Variants in EHBP1 observed in about 807,000 individuals in gnomAD.
EHBP1 encodes the protein EH domain-binding protein 1.
In EHBP1, 55 loss-of-function variants were observed where a neutral mutation model predicts 144.0. The observed-to-expected ratio is 0.38, with a 90% CI of 0.31 to 0.48. EHBP1 has a LOEUF of 0.48. Among genes scored for constraint, EHBP1 ranks in the 20% least tolerant of loss-of-function variants. The pLI is 0.98. For missense variants in EHBP1, 1,200 were observed against 1,364.2 expected, an observed-to-expected ratio of 0.88 and a Z score of 1.90; for synonymous variants, 469 against 472.7, an observed-to-expected ratio of 0.99 and a Z score of 0.10.
At chr2:62,858,703 G>A (rs1442560769) in intron 7 of EHBP1, among the ~76,000 whole-genome samples, 2 of 152,146 alleles carry the variant, frequency 1.3e-5, no homozygotes, top group African/African-American at 4.8e-5. Flanking sequence ...AGTCATGTCA[G>A]GATCCTTGAT....
At chr2:62,884,178 G>A (rs2051719159) in intron 10 of EHBP1, among the ~76,000 whole-genome samples, 1 of 152,148 alleles carries the variant, frequency 6.6e-6, no homozygotes, top group African/African-American at 2.4e-5. Context: ...GAGAAGAAAG[G>A]TCTTGGTAAG....
At chr2:63,044,833 A>G in intron 21 of EHBP1, 1 of 419,406 alleles carries the variant, frequency 2.4e-6, no homozygotes, top group South Asian at 3.5e-5. Flanking sequence ...GGTTCTAAGC[A>G]GGTTCCAACA....
At chr2:62,909,959 A>G (rs1409353821) in intron 10 of EHBP1, among the ~76,000 whole-genome samples, 1 of 151,972 alleles carries the variant, frequency 6.6e-6, no homozygotes, top group Non-Finnish European at 1.5e-5. Flanking sequence ...GGGCTTCACC[A>G]TGTTGGCCAG....
chr2:62,763,573 C>T (rs1462894625), intron 3 of EHBP1, among the ~76,000 whole-genome samples: 1 of 152,152 alleles, frequency 6.6e-6, no homozygotes, highest in Non-Finnish European at 1.5e-5. Flanking sequence ...GAGGTGAAGA[C>T]TTAGTTGAGT....
chr2:62,859,963 G>T (rs1250088216), intron 8 of EHBP1, among the ~76,000 whole-genome samples: 1 of 152,102 alleles, frequency 6.6e-6, no homozygotes, highest in African/African-American at 2.4e-5. Flanking sequence ...CTGTGTCTGA[G>T]AAATCTTCAT....
At chr2:62,700,588 G>A (rs1364142564) in intron 1 of EHBP1, among the ~76,000 whole-genome samples, 1 of 152,154 alleles carries the variant, frequency 6.6e-6, no homozygotes, top group African/African-American at 2.4e-5. Flanking sequence ...TGGTGGCTGT[G>A]CAGTGCCTCT....
chr2:62,923,813 G>A (rs1210582806), intron 10 of EHBP1, among the ~76,000 whole-genome samples: 1 of 152,190 alleles, frequency 6.6e-6, no homozygotes, highest in Non-Finnish European at 1.5e-5. Context: ...CCTTGCACCT[G>A]TGTACTAGGA....
chr2:62,834,084 A>G (rs543531881), intron 7 of EHBP1, among the ~76,000 whole-genome samples: 2 of 152,368 alleles, frequency 1.3e-5, no homozygotes, highest in South Asian at 4.1e-4. Flanking sequence ...ATCGCATGAT[A>G]AAACTTGAAT....
chr2:62,910,097 T>G (rs1324438007), intron 10 of EHBP1, among the ~76,000 whole-genome samples: 1 of 152,158 alleles, frequency 6.6e-6, no homozygotes, highest in Non-Finnish European at 1.5e-5. Flanking sequence ...TATCCCCTAC[T>G]CTAGGTGATT....
rs952969986 is a variant in EHBP1 at position 63,026,791 on chromosome 2, A to C, written c.3104-10744A>C. Among the ~76,000 whole-genome samples, 4 of 152,352 alleles carry C rather than the reference A, an allele frequency of 2.6e-5. No individual in the cohort carries two copies. The South Asian group carries it at 8.3e-4, about 32-fold the overall frequency. On this transcript the variant is annotated intron_variant, in intron 19 of 22. Transcript: ENST00000431489. ...TCAAGGATCTTATGGACATGTTTGC[A>C]TAGGAAGAAAGGTTGACTCCTCCTA... is the stretch of plus-strand genomic sequence containing the variant.
chr2:62,992,337 A>G (rs1358322349), intron 16 of EHBP1, among the ~76,000 whole-genome samples: 2 of 152,206 alleles, frequency 1.3e-5, no homozygotes, highest in Non-Finnish European at 2.9e-5. Flanking sequence ...CATGATATTA[A>G]TGATAAATTC....
At chr2:62,725,240 C>T (rs1367281020) in intron 2 of EHBP1, among the ~76,000 whole-genome samples, 1 of 152,168 alleles carries the variant, frequency 6.6e-6, no homozygotes, top group African/African-American at 2.4e-5. Context: ...GATATCCATC[C>T]TCATTTGCTT....
intron 10 of EHBP1, among the ~76,000 whole-genome samples, chr2:62,881,297 G>A (rs762183302): frequency 6.7e-6 from 1 of 150,334 alleles, no homozygotes; most frequent in Non-Finnish European, 1.5e-5. Context: ...TGGATACTGT[G>A]TTTTTTACTT....
intron 2 of EHBP1, among the ~76,000 whole-genome samples, chr2:62,746,545 A>AT (rs1191405336): frequency 2.0e-5 from 3 of 152,064 alleles, no homozygotes; most frequent in Admixed American, 6.6e-5. Context: ...TTTATCTAAG[A>AT]TTTTTTAAAA....
At chr2:62,890,589 G>A (rs2052374629) in intron 10 of EHBP1, among the ~76,000 whole-genome samples, 1 of 152,122 alleles carries the variant, frequency 6.6e-6, no homozygotes, top group South Asian at 2.1e-4. Context: ...CATTGATTTT[G>A]TATCCTGAGA....
intron 10 of EHBP1, among the ~76,000 whole-genome samples, chr2:62,895,958 T>C (rs1272946517): frequency 2.6e-5 from 4 of 152,230 alleles, no homozygotes; most frequent in African/African-American, 9.6e-5. Context: ...GTTAAATTAG[T>C]AAATTTAATG....
chr2:62,917,359 T>A (rs1218040342), intron 10 of EHBP1, among the ~76,000 whole-genome samples: 11 of 152,186 alleles, frequency 7.2e-5, no homozygotes, highest in Admixed American at 1.3e-4. Context: ...TGCAATCTTA[T>A]GGTACCACCA....
At chr2:62,996,859 A>T in intron 19 of EHBP1, 93 bp downstream of exon 19, 1 of 1,535,898 alleles carries the variant, frequency 6.5e-7, no homozygotes, top group Non-Finnish European at 8.8e-7. Context: ...TTGAAGCCTG[A>T]ATGTTCAGCA....
intron 10 of EHBP1, among the ~76,000 whole-genome samples, chr2:62,915,510 CAG>C (rs2054540337): frequency 6.6e-6 from 1 of 151,990 alleles, no homozygotes; most frequent in African/African-American, 2.4e-5. Context: ...CTGAATAAGA[CAG>C]CACGCTATTT....
Sources: gnomAD v4.1 joint callset for allele counts (sites outside exome capture counted in the v4.1 genomes callset) on GRCh38, gnomAD v4.1.1 for gene constraint, MANE v1.5 for transcripts, NCBI Gene and HGNC (gene_info 2026-07-23, HGNC 2026-07-21) for gene names.